SORCS2: variants seen among roughly 807,000 people sequenced by gnomAD.
SORCS2 encodes the protein VPS10 domain-containing receptor SorCS2.
A neutral mutation model predicts 141.6 loss-of-function variants in SORCS2; 100 were observed. The observed-to-expected ratio is 0.71, with a 90% CI of 0.60 to 0.83. The LOEUF (loss-of-function observed/expected upper bound fraction) is 0.83. Ranked by LOEUF, SORCS2 falls within the 40% of genes least tolerant of loss-of-function variation. The pLI, the probability that SORCS2 is intolerant of heterozygous loss-of-function variation, is 0.00. For synonymous variants in SORCS2, 789 were observed against 676.9 expected (o/e 1.17, Z -2.57); for missense variants, 1,646 against 1,560.2 (o/e 1.05, Z -0.93).
Position 7,740,346 on chromosome 4 carries a change from A to AGACCT in SORCS2, c.*84_*88dup. 7.7e-7 allele frequency: 1 copy of AGACCT among 1,298,464 alleles called. No individual in the cohort carries two copies. The highest frequency in any genetic ancestry group is 1.5e-5 in the African/African-American group (1 of 68,342). 80.4% of individuals were successfully genotyped at this position (1,298,464 alleles called of 1,614,324 possible). The stretch of plus-strand genomic sequence containing the variant: ...CGGCGGCTGGACTGGCGCCCCTCAG[A>AGACCT]GACCTGCGGAAAGCCCCCTCCCTGA... On this transcript the variant is annotated 3_prime_UTR_variant, in exon 27 of 27. Coordinates refer to ENST00000507866, the MANE Select transcript of SORCS2 (RefSeq NM_020777.3).
At chr4:7,284,375 G>A (rs985976266) in intron 1 of SORCS2, among the ~76,000 whole-genome samples, 4 of 152,206 alleles carry the variant, frequency 2.6e-5, no homozygotes, top group Non-Finnish European at 5.9e-5. Flanking sequence ...CAACCTCCCT[G>A]AGCCTGTTTC....
chr4:7,411,306 G>C (rs112044971), intron 2 of SORCS2, among the ~76,000 whole-genome samples: 4 of 151,806 alleles, frequency 2.6e-5, no homozygotes, highest in Non-Finnish European at 2.9e-5. Flanking sequence ...CCGGGCTCCA[G>C]GGACCCCTCT....
At chr4:7,658,055 CTGAT>C (rs978936267) in intron 5 of SORCS2, among the ~76,000 whole-genome samples, 13 of 147,716 alleles carry the variant, frequency 8.8e-5, no homozygotes, top group African/African-American at 3.0e-4. Context: ...ATGAGTGAGT[CTGAT>C]TGAGCAAATG....
At chr4:7,417,600 T>C (rs1026585378) in intron 2 of SORCS2, among the ~76,000 whole-genome samples, 12 of 152,134 alleles carry the variant, frequency 7.9e-5, no homozygotes, top group Non-Finnish European at 1.8e-4. Context: ...TCTGCTGAGA[T>C]GGGGCAAAGG....
intron 12 of SORCS2, among the ~76,000 whole-genome samples, chr4:7,701,415 C>A (rs1194586195): frequency 6.6e-6 from 1 of 152,130 alleles, no homozygotes; most frequent in Non-Finnish European, 1.5e-5. Flanking sequence ...TGGCAGCCGA[C>A]TGTGATAACC....
intron 2 of SORCS2, among the ~76,000 whole-genome samples, chr4:7,489,123 G>A (rs957254973): frequency 6.6e-6 from 1 of 152,224 alleles, no homozygotes; most frequent in African/African-American, 2.4e-5. Context: ...CAGACAGCAA[G>A]ATGGAGGCTG....
chr4:7,656,694 C>A (rs774240423), intron 5 of SORCS2, among the ~76,000 whole-genome samples: 6 of 152,208 alleles, frequency 3.9e-5, no homozygotes, highest in Non-Finnish European at 7.4e-5. Flanking sequence ...CCTTGCTCAG[C>A]CCCACGCTCA....
chr4:7,400,505 T>C (rs908460708), intron 2 of SORCS2, among the ~76,000 whole-genome samples: 5 of 151,236 alleles, frequency 3.3e-5, no homozygotes, highest in African/African-American at 1.2e-4. Context: ...CATAGGCTGG[T>C]TGAGGATGCG....
intron 2 of SORCS2, among the ~76,000 whole-genome samples, chr4:7,491,710 T>G (rs1053270231): frequency 2.0e-5 from 3 of 152,320 alleles, no homozygotes; most frequent in African/African-American, 7.2e-5. Flanking sequence ...TGACCCATGC[T>G]CCTCTGAGCC....
Position 7,740,435 on chromosome 4 carries a change from C to CG in SORCS2, c.*177dup. 1.6e-6 allele frequency: 1 copy of CG among 628,550 alleles called. No homozygotes were observed. The allele number at this position is 628,550 out of a possible 1,614,324, so 38.9% of individuals were successfully genotyped here. On this transcript the variant is annotated 3_prime_UTR_variant, in exon 27 of 27. Coordinates refer to ENST00000507866, the MANE Select transcript of SORCS2 (RefSeq NM_020777.3). Reference sequence around the variant, plus strand: ...ATAAATCCAAGCCCGCCCAGGCCCACGGGGGGCCCACGGGACCCCCCGGGA... The same window carrying CG: ...ATAAATCCAAGCCCGCCCAGGCCCACGGGGGGGCCCACGGGACCCCCCGGGA...
Position 7,676,112 on chromosome 4 carries a change from G to C in SORCS2, c.1224G>C (p.Gln408His), listed in dbSNP as rs1389109716. 5 of 1,585,552 alleles carry C rather than the reference G, an allele frequency of 3.2e-6. No homozygotes were observed. The South Asian group carries it at 5.7e-5, about 18-fold the overall frequency. ...QVFVAVQEWYQMDTYNLYQSD... is the reference protein window; with the variant it reads ...QVFVAVQEWYHMDTYNLYQSD... ...TCGTGGCGGTGCAGGAGTGGTACCA[G>C]ATGGACACCTACAACCTGTACCAGT... is the stretch of plus-strand genomic sequence containing the variant. The change falls in exon 9 of 27, where the codon CAG (glutamine) becomes CAC (histidine). Residue 408 changes from glutamine (Q) to histidine (H), a missense_variant. Transcript: ENST00000507866.
At chr4:7,267,057 C>T (rs1020513851) in intron 1 of SORCS2, among the ~76,000 whole-genome samples, 5 of 152,192 alleles carry the variant, frequency 3.3e-5, no homozygotes, top group African/African-American at 9.6e-5. Flanking sequence ...CAGCCTGGAT[C>T]GCTGCAGCCC....
chr4:7,297,856 G>T (rs188762923), intron 1 of SORCS2, among the ~76,000 whole-genome samples: 2 of 152,306 alleles, frequency 1.3e-5, no homozygotes, highest in African/African-American at 2.4e-5. Flanking sequence ...TGGCCCCACC[G>T]TCCAGAGGGC....
chr4:7,489,262 T>TCTTACTC (rs1365980811), intron 2 of SORCS2, among the ~76,000 whole-genome samples: 3 of 152,166 alleles, frequency 2.0e-5, no homozygotes, highest in African/African-American at 7.2e-5. Flanking sequence ...TTCTCTGGGC[T>TCTTACTC]CTTACTCCTT....
rs141626432 is a variant in SORCS2 at position 7,610,100 on chromosome 4, C to T, written c.649-28228C>T. Among the ~76,000 whole-genome samples, 300 of 152,278 alleles carry T rather than the reference C, an allele frequency of 2.0e-3. 1 individual carries two copies. Among genetic ancestry groups the T allele is most frequent in the African/African-American group, 6.3e-3 (262 of 41,548 alleles). On this transcript the variant is annotated intron_variant, in intron 3 of 26. Transcript: ENST00000507866. ...GGCCCCCAGACTAATTACTGCAGGA[C>T]GCGCTGAGTAAAGTTCACAATGCCA...
chr4:7,539,717 A>AGGCCCCGCCCCTTCCTGCTGTGGC (rs1712428831), intron 3 of SORCS2, among the ~76,000 whole-genome samples: 3 of 56,526 alleles, frequency 5.3e-5, no homozygotes, highest in Admixed American at 2.5e-4. Flanking sequence ...CCTGCTGTGG[A>AGGCCCCGCCCCTTCCTGCTGTGGC]GGCCCCGCCC....
rs79752611 is a variant in SORCS2 at position 7,715,370 on chromosome 4, C to T, written c.2252+59C>T. The T allele has an allele frequency of 1.5e-3, 2,396 of 1,590,748 alleles. 38 individuals carry two copies. The Admixed American group carries it at 0.028, about 19-fold the overall frequency. ...TCCGGGGGCAGAGCTGTGGTGCAGC[C>T]CCGAAACCACGCCTTCCTGGCTGGT... On this transcript the variant is annotated intron_variant, in intron 17 of 26. Coordinates refer to ENST00000507866, the MANE Select transcript of SORCS2 (RefSeq NM_020777.3).
At chr4:7,344,866 G>A (rs563938416) in intron 1 of SORCS2, among the ~76,000 whole-genome samples, 1 of 152,176 alleles carries the variant, frequency 6.6e-6, no homozygotes, top group Non-Finnish European at 1.5e-5. Context: ...GGGAGTCTGC[G>A]TGAGGAGCAC....
intron 3 of SORCS2, among the ~76,000 whole-genome samples, chr4:7,551,707 G>A (rs1042060007): frequency 2.6e-5 from 4 of 152,178 alleles, no homozygotes; most frequent in Non-Finnish European, 2.9e-5. Context: ...ACCCTCACCC[G>A]GAGCCTTCCC....
Sources: gnomAD v4.1 joint callset for allele counts (sites outside exome capture counted in the v4.1 genomes callset) on GRCh38, gnomAD v4.1.1 for gene constraint, MANE v1.5 for transcripts, NCBI Gene and HGNC (gene_info 2026-07-23, HGNC 2026-07-21) for gene names.